ZNF26: variants seen among roughly 807,000 people sequenced by gnomAD.
ZNF26 encodes epididymis luminal protein 179.
In ZNF26, 32 loss-of-function variants were observed where a neutral mutation model predicts 54.9. That is an observed-to-expected ratio of 0.58 (90% CI 0.44 to 0.78). The LOEUF (loss-of-function observed/expected upper bound fraction) is 0.78. Among genes scored for constraint, ZNF26 ranks in the 30% least tolerant of loss-of-function variants. The pLI is 0.00. For synonymous variants in ZNF26, 221 were observed against 209.2 expected (o/e 1.06, Z -0.49); for missense variants, 524 against 634.0 (o/e 0.83, Z 1.86).
chr12:133,001,504 C>A lies in ZNF26; in HGVS notation c.34-5538C>A. On this transcript the variant is annotated intron_variant, in intron 1 of 3. Transcript: ENST00000328654. The surrounding 1 kb of genome is among the most constrained non-coding windows in gnomAD (Gnocchi z 4.7). ...AGAGTTATGACAGGCATCAGTGGGG[C>A]TTGGTTGGAGCCTCTGACAGGGCTC... 1 of 400,148 alleles carries A rather than the reference C, an allele frequency of 2.5e-6. No homozygotes were observed. The highest frequency in any genetic ancestry group is 2.0e-5 in the South Asian group (1 of 49,910). The allele number at this position is 400,148 out of a possible 1,614,324, so 24.8% of individuals were successfully genotyped here.
At position 133,024,011 on chromosome 12, in the gene ZNF26, C is replaced by T. The variant is rs1953673605; in HGVS notation, c.*12530C>T. 6.6e-6 allele frequency: 1 copy of T among 152,246 alleles called. No individual in the cohort carries two copies. Among genetic ancestry groups the T allele is most frequent in the Non-Finnish European group, 1.5e-5 (1 of 68,056 alleles). The allele number at this position is 152,246 out of a possible 1,614,324, so 9.4% of individuals were successfully genotyped here. On this transcript the variant is annotated 3_prime_UTR_variant, in exon 4 of 4. Coordinates refer to ENST00000328654, the MANE Select transcript of ZNF26 (RefSeq NM_019591.4). ...CATGAGAAATTCTGACCCAGAACGG[C>T]TCAGTCAGACCTCTCCTGAATCCCT...
Position 133,011,153 on chromosome 12 carries a change from C to T in ZNF26, c.1274C>T (p.Pro425Leu). 6.2e-7 allele frequency: 1 copy of T among 1,614,070 alleles called. No homozygotes were observed. Among genetic ancestry groups the T allele is most frequent in the Non-Finnish European group, 8.5e-7 (1 of 1,180,012 alleles). ...IHRRTHTGER[P>L]YECSLCERAF... is the part of the protein sequence containing the mutation. ...AGGAGAACACACACCGGAGAGAGAC[C>T]CTATGAATGTAGTTTGTGTGAGAGA... The change falls in exon 4 of 4, where the codon CCC becomes CTC. Residue 425 changes from proline (P) to leucine (L), a missense_variant. Pro to Leu is a moderately conservative substitution (Grantham distance 98). Transcript: ENST00000328654.
At chr12:133,006,164 G>T in intron 1 of ZNF26, 1 of 984,860 alleles carries the variant, frequency 1.0e-6, no homozygotes, top group Non-Finnish European at 1.2e-6. Context: ...CAGATGTGAT[G>T]ACTAGAGCCA....
At chr12:133,007,221 C>CT in intron 2 of ZNF26, 53 bp downstream of exon 2, 3 of 1,595,456 alleles carry the variant, frequency 1.9e-6, no homozygotes, top group Non-Finnish European at 2.6e-6. Flanking sequence ...ATTGCCATCC[C>CT]TTTTTTTGTT....
chr12:132,987,857 C>A, intron 1 of ZNF26: 1 of 379,082 alleles, frequency 2.6e-6, no homozygotes, highest in Non-Finnish European at 3.6e-6. Context: ...GAGTGGATTT[C>A]TCCCCCTGTG....
rs1953449258 is a variant in ZNF26 at position 133,010,612 on chromosome 12, C to T, written c.733C>T (p.Leu245Phe). 6.2e-7 allele frequency: 1 copy of T among 1,613,998 alleles called. No individual in the cohort carries two copies. Among genetic ancestry groups the T allele is most frequent in the African/African-American group, 1.3e-5 (1 of 74,892 alleles). ...GAAGGTCTTCTCTTTCAGGTCACAG[C>T]TCATTGTCCATCAGGAAATTCACAC... Reference protein sequence around the residue: ...CEKVFSFRSQLIVHQEIHTGG... With the variant: ...CEKVFSFRSQFIVHQEIHTGG... The change falls in exon 4 of 4, where the codon CTC (leucine) becomes TTC (phenylalanine). Residue 245 changes from leucine (L) to phenylalanine (F), a missense_variant. By Grantham distance (22) the Leu-to-Phe change is conservative (BLOSUM62 0). Coordinates refer to ENST00000328654, the MANE Select transcript of ZNF26 (RefSeq NM_019591.4).
In ZNF26 at chr12:133,011,035, A is replaced by G. The variant is rs1728192130; in HGVS notation, c.1156A>G (p.Thr386Ala). The G allele has an allele frequency of 6.2e-7, 1 of 1,613,720 alleles. No individual in the cohort carries two copies. Among genetic ancestry groups the G allele is most frequent in the South Asian group, 1.1e-5 (1 of 91,064 alleles). ...GKAFGRKEQL[T>A]AHLRAHAGEK... ...AGCCTTTGGTAGGAAGGAACAGCTC[A>G]CTGCACATCTGAGAGCTCATGCAGG... Residue 386 changes from threonine (T) to alanine (A), a missense_variant, in exon 4 of 4, where the codon ACT becomes GCT. Physicochemically the swap from Thr to Ala is moderately conservative, Grantham distance 58. Transcript: ENST00000328654.
intron 1 of ZNF26, among the ~76,000 whole-genome samples, chr12:132,996,196 C>G (rs1479707086): frequency 6.6e-6 from 1 of 152,218 alleles, no homozygotes; most frequent in East Asian, 1.9e-4. Context: ...GCTTCTTGCA[C>G]TGACCAGCAC....
intron 1 of ZNF26, among the ~76,000 whole-genome samples, chr12:132,993,698 T>C (rs1953014838): frequency 6.6e-6 from 1 of 152,032 alleles, no homozygotes; most frequent in African/African-American, 2.4e-5. Flanking sequence ...TCAGGTGATC[T>C]ACCCCCCTCG....
In ZNF26 at chr12:132,986,605, G is replaced by C. The variant is rs1411721507; in HGVS notation, c.-236G>C. The C allele has an allele frequency of 3.4e-6, 2 of 587,940 alleles. No individual in the cohort carries two copies. Among genetic ancestry groups the C allele is most frequent in the African/African-American group, 1.9e-5 (1 of 53,434 alleles). 36.4% of individuals were successfully genotyped at this position (587,940 alleles called of 1,614,324 possible). On this transcript the variant is annotated 5_prime_UTR_variant, in exon 1 of 4. Coordinates refer to ENST00000328654, the MANE Select transcript of ZNF26 (RefSeq NM_019591.4). ...TCTCCCGAGTCAGGGCCACGGAAAG[G>C]CACAAATCCATCCGTGCGACTCCTG... is the stretch of plus-strand genomic sequence containing the variant.
Position 133,010,960 on chromosome 12 carries a change from C to G in ZNF26, c.1081C>G (p.Gln361Glu), listed in dbSNP as rs1953458734. 1 of 1,613,994 alleles carries G rather than the reference C, an allele frequency of 6.2e-7. No homozygotes were observed. Residue 361 changes from glutamine (Q) to glutamate (E), a missense_variant, in exon 4 of 4, where the codon CAG becomes GAG. Physicochemically the swap from Gln to Glu is conservative, Grantham distance 29. Coordinates refer to ENST00000328654, the MANE Select transcript of ZNF26 (RefSeq NM_019591.4). ...FNMKTQLIVHQGVHTGNNPYQ... is the reference protein window; with the variant it reads ...FNMKTQLIVHEGVHTGNNPYQ... ...TATGAAGACACAACTCATTGTACAT[C>G]AGGGAGTTCACACAGGAAATAATCC...
At position 133,001,347 on chromosome 12, in the gene ZNF26, G is replaced by A. The variant is rs946798615; in HGVS notation, c.34-5695G>A. Among the ~76,000 whole-genome samples, 95 of 152,318 alleles carry A rather than the reference G, an allele frequency of 6.2e-4. No homozygotes were observed. Among genetic ancestry groups the A allele is most frequent in the Middle Eastern group, 6.8e-3 (2 of 294 alleles). The stretch of plus-strand genomic sequence containing the variant: ...CATTCTAGCCTGCAGAGGGGAGATG[G>A]AGGAGGCTTGTCTGTATTCCCACTT... On this transcript the variant is annotated intron_variant, in intron 1 of 3. Transcript: ENST00000328654. This position sits in a 1 kb window ranked among gnomAD's most constrained non-coding sequence, Gnocchi z 4.7.
chr12:132,999,428 T>A, intron 1 of ZNF26, among the ~76,000 whole-genome samples: 1 of 151,960 alleles, frequency 6.6e-6, no homozygotes, highest in Admixed American at 6.6e-5. Context: ...CTGATTTTTT[T>A]GTGTTTTTAG....
Position 132,986,891 on chromosome 12 carries a change from G to A in ZNF26, c.33+18G>A, listed in dbSNP as rs1171627604. 8 of 1,601,106 alleles carry A rather than the reference G, an allele frequency of 5.0e-6. No individual in the cohort carries two copies. The East Asian group carries it at 1.1e-4, about 23-fold the overall frequency. ...CGTGCTGGGTAAGTAGAGACTTTCC[G>A]TGTTTAAAATTCGACTGGATACTGA... On this transcript the variant is annotated intron_variant, in intron 1 of 3. Coordinates refer to ENST00000328654, the MANE Select transcript of ZNF26 (RefSeq NM_019591.4).
rs1224256114 is a variant in ZNF26, at chr12:133,026,850, T to C, written c.*15369T>C. 4.6e-5 allele frequency: 7 copies of C among 152,216 alleles called. No individual in the cohort carries two copies. Among genetic ancestry groups the C allele is most frequent in the African/African-American group, 1.7e-4 (7 of 41,450 alleles). The allele number at this position is 152,216 out of a possible 1,614,324, so 9.4% of individuals were successfully genotyped here. ...CCTAGTTCAACTTTATAAATAAATA[T>C]GTCAAAGATAATTCAATATTAAAGT... On this transcript the variant is annotated 3_prime_UTR_variant, in exon 4 of 4. Transcript: ENST00000328654.
intron 3 of ZNF26, 86 bp from the exon 4 acceptor site, chr12:133,010,050 A>T: frequency 7.3e-7 from 1 of 1,367,834 alleles, no homozygotes; most frequent in East Asian, 2.4e-5. Context: ...AGAAAGGTTG[A>T]TTACATCACA....
In ZNF26 at chr12:132,986,448, A is replaced by C. The variant is rs1952819230; in HGVS notation, c.-393A>C. ...GGACCGGAATCTGGCCAGCGGGTGTACCTGGCTGAGTCTCTGTGGCCGCGG... is the reference window on the plus strand; with the variant it reads ...GGACCGGAATCTGGCCAGCGGGTGTCCCTGGCTGAGTCTCTGTGGCCGCGG... On this transcript the variant is annotated 5_prime_UTR_variant, in exon 1 of 4. Transcript: ENST00000328654. 4.5e-6 allele frequency: 1 copy of C among 223,426 alleles called. No homozygotes were observed. Among genetic ancestry groups the C allele is most frequent in the Non-Finnish European group, 8.9e-6 (1 of 111,914 alleles). 13.8% of individuals were successfully genotyped at this position (223,426 alleles called of 1,614,324 possible). A position where few individuals can be genotyped will look rare whatever the true frequency, so the allele number is the denominator to read the frequency against.
intron 1 of ZNF26, among the ~76,000 whole-genome samples, chr12:132,988,329 C>T (rs924056614): frequency 2.0e-5 from 3 of 151,636 alleles, no homozygotes; most frequent in East Asian, 1.9e-4. Flanking sequence ...CTCGAACTCC[C>T]GGGCTCAAGG....
Position 133,020,659 on chromosome 12 carries a change from G to T in ZNF26, c.*9178G>T, listed in dbSNP as rs1953628313. ...TAGAACAATCGTATAAGTTGTCTAG[G>T]ACTGTCGTAACAAAGAACCACAAAC... is the stretch of plus-strand genomic sequence containing the variant. On this transcript the variant is annotated 3_prime_UTR_variant, in exon 4 of 4. Transcript: ENST00000328654. 6.6e-6 allele frequency: 1 copy of T among 152,158 alleles called. No homozygotes were observed. The highest frequency in any genetic ancestry group is 2.1e-4 in the South Asian group (1 of 4,832). 9.4% of individuals were successfully genotyped at this position (152,158 alleles called of 1,614,324 possible).
Sources: gnomAD v4.1 joint callset for allele counts (sites outside exome capture counted in the v4.1 genomes callset) on GRCh38, gnomAD v4.1.1 for gene constraint, Gnocchi (gnomAD v3.1) non-coding constraint, MANE v1.5 for transcripts, NCBI Gene and HGNC (gene_info 2026-07-23, HGNC 2026-07-21) for gene names.